Variants in SLC28A3 observed in about 807,000 individuals in gnomAD.
The protein encoded by SLC28A3 is solute carrier family 28 member 3, also known as concentrative Na(+)-nucleoside cotransporter 3.
SLC28A3 carries 68 observed loss-of-function variants against 84.2 expected under a neutral mutation model. That is an observed-to-expected ratio of 0.81 (90% confidence interval 0.66 to 0.99). The LOEUF is 0.99. Ranked by LOEUF, SLC28A3 falls within the 50% of genes least tolerant of loss-of-function variation. The pLI is 0.00. For missense variants in SLC28A3, 712 were observed against 841.5 expected (o/e 0.85, Z 1.90); for synonymous variants, 267 against 303.6 (o/e 0.88, Z 1.25).
chr9:84,297,851 A>T, intron 7 of SLC28A3, 55 bp downstream of exon 7: 1 of 1,412,930 alleles, frequency 7.1e-7, no homozygotes, highest in East Asian at 2.3e-5. Context: ...CTTGAGGATT[A>T]CCTCCAATGT....
At chr9:84,343,040 G>C (rs1827195484), upstream of SLC28A3, among the ~76,000 whole-genome samples, 1 of 152,114 alleles carries the variant, frequency 6.6e-6, no homozygotes, top group African/African-American at 2.4e-5. Flanking sequence ...GCACATGCCT[G>C]TAGTCCCAGC....
the SLC28A3 span, among the ~76,000 whole-genome samples, chr9:84,353,275 G>A: frequency 6.6e-6 from 1 of 152,100 alleles, no homozygotes; most frequent in African/African-American, 2.4e-5. Flanking sequence ...CCTCACTCAC[G>A]TCTACTCAGT....
intron 9 of SLC28A3, among the ~76,000 whole-genome samples, chr9:84,293,642 A>G (rs970572767): frequency 5.9e-5 from 9 of 152,192 alleles, no homozygotes; most frequent in African/African-American, 2.2e-4. Flanking sequence ...CATTGAGGCT[A>G]GGGCAGCAGG....
chr9:84,320,049 T>TG lies in SLC28A3; in HGVS notation c.61-6596_61-6595insC, dbSNP rs1564170395. ...CAGCCTGGCTTGCACTGTTTTTTTT[T>TG]TTTTTTTTTTTTTTTTTTGAGACAG... On this transcript the variant is annotated intron_variant, in intron 1 of 17. Transcript: ENST00000376238. 1.0e-4 allele frequency among the ~76,000 whole-genome samples: 13 copies of TG among 130,214 alleles called. 1 individual carries two copies. Among genetic ancestry groups the TG allele is most frequent in the African/African-American group, 3.5e-4 (11 of 31,854 alleles). The allele number at this position is 130,214 out of a possible 152,430, so 85.4% of individuals were successfully genotyped here.
rs369504579 is a variant in SLC28A3, at chr9:84,313,468, G to A, written c.61-14C>T. On this transcript the variant is annotated splice_polypyrimidine_tract_variant and intron_variant, in intron 1 of 17. Transcript: ENST00000376238. ...GTTTTCTTCATTCTAAGAAAAAAGT[G>A]CAGATTGAAAAAATAAAAAGTTACA... The A allele has an allele frequency of 1.4e-4, 221 of 1,606,522 alleles. No individual in the cohort carries two copies. In the African/African-American group the frequency reaches 2.5e-3, roughly 18 times the overall value.
At chr9:84,289,499 T>A (rs2118144508) in intron 11 of SLC28A3, among the ~76,000 whole-genome samples, 2 of 152,206 alleles carry the variant, frequency 1.3e-5, no homozygotes, top group East Asian at 3.9e-4. Context: ...AATCTGAGAG[T>A]TTTAAAAAAT....
chr9:84,336,009 C>T (rs1183391769), intron 1 of SLC28A3, among the ~76,000 whole-genome samples: 3 of 151,776 alleles, frequency 2.0e-5, no homozygotes, highest in African/African-American at 4.8e-5. Context: ...ATGTCCCAGC[C>T]ACACACAAAT....
At chr9:84,363,131 A>G in the SLC28A3 span, among the ~76,000 whole-genome samples, 1 of 152,204 alleles carries the variant, frequency 6.6e-6, no homozygotes, top group South Asian at 2.1e-4. Context: ...AAGTTCATAA[A>G]CCCTTAAATG....
chr9:84,294,171 C>G (rs770286089), intron 9 of SLC28A3, 24 bp downstream of exon 9: 1 of 1,612,336 alleles, frequency 6.2e-7, no homozygotes, highest in Middle Eastern at 1.7e-4. Context: ...ACACCTATAA[C>G]CCAGTCCCTC....
the SLC28A3 span, among the ~76,000 whole-genome samples, chr9:84,351,821 C>T: frequency 1.3e-5 from 2 of 150,140 alleles, no homozygotes; most frequent in Non-Finnish European, 1.5e-5. Flanking sequence ...AGGAAATACA[C>T]GTTGGAGTAT....
rs564653406 is a variant in SLC28A3 at position 84,334,769 on chromosome 9, C to T, written c.60+5805G>A. On this transcript the variant is annotated intron_variant, in intron 1 of 17. Coordinates refer to ENST00000376238, the MANE Select transcript of SLC28A3 (RefSeq NM_001199633.2). ...CTACCATTTTTCCTAGCCTAACTCC[C>T]GCTCATAACACAAACTTCTCCTCCT... is the stretch of plus-strand genomic sequence containing the variant. 3.3e-5 allele frequency among the ~76,000 whole-genome samples: 5 copies of T among 152,074 alleles called. No homozygotes were observed. In the East Asian group the frequency reaches 7.7e-4, roughly 24 times the overall value.
intron 3 of SLC28A3, among the ~76,000 whole-genome samples, chr9:84,308,351 G>C (rs1825872283): frequency 6.6e-6 from 1 of 152,146 alleles, no homozygotes; most frequent in African/African-American, 2.4e-5. Flanking sequence ...TTCAAGACCA[G>C]CCTGGCCAAC....
the SLC28A3 span, among the ~76,000 whole-genome samples, chr9:84,368,086 G>GT: frequency 6.6e-6 from 1 of 152,168 alleles, no homozygotes; most frequent in African/African-American, 2.4e-5. Context: ...GGCTGTCTCA[G>GT]TGGGGGGAAA....
At chr9:84,282,102 G>A (rs150086210) in intron 14 of SLC28A3, among the ~76,000 whole-genome samples, 110 of 152,254 alleles carry the variant, frequency 7.2e-4, no homozygotes, top group African/African-American at 2.0e-3. Context: ...AGATCGCACC[G>A]TTGCCCTACA....
intron 7 of SLC28A3, 83 bp from the exon 8 acceptor site, chr9:84,297,381 A>G (rs1423723685): frequency 2.7e-6 from 3 of 1,101,216 alleles, no homozygotes; most frequent in East Asian, 2.4e-5. Flanking sequence ...AGGCTCTCAG[A>G]GGACGGACCC....
chr9:84,290,832 A>AAAAC (rs59932389), intron 10 of SLC28A3, among the ~76,000 whole-genome samples: 21,964 of 150,852 alleles, frequency 0.15, 1,858 homozygotes, highest in Admixed American at 0.21. Flanking sequence ...ACAAGCATTA[A>AAAAC]AAACAAACAA....
chr9:84,344,217 T>A, upstream of SLC28A3, among the ~76,000 whole-genome samples: 1 of 128,450 alleles, frequency 7.8e-6, no homozygotes, highest in African/African-American at 3.2e-5. Flanking sequence ...TCAGACAGAG[T>A]CTTGCTCTGT....
At chr9:84,311,331 C>A (rs4877838) in intron 2 of SLC28A3, among the ~76,000 whole-genome samples, 38 of 151,922 alleles carry the variant, frequency 2.5e-4, no homozygotes, top group African/African-American at 9.2e-4. Flanking sequence ...GGAGCTGAAA[C>A]TATAGAGATT....
At chr9:84,322,771 G>A (rs933428160) in intron 1 of SLC28A3, among the ~76,000 whole-genome samples, 16 of 152,100 alleles carry the variant, frequency 1.1e-4, no homozygotes, top group African/African-American at 3.6e-4. Context: ...CCCAGGAGGT[G>A]GAGGTTGCAG....
Sources: allele counts gnomAD v4.1 joint callset (sites outside exome capture counted in the v4.1 genomes callset), GRCh38; gene constraint gnomAD v4.1.1; transcripts MANE v1.5; gene names NCBI Gene and HGNC (gene_info 2026-07-23, HGNC 2026-07-21).